CNTNAP2: variants seen among roughly 807,000 people sequenced by gnomAD.
CNTNAP2 encodes the protein contactin associated protein 2.
Under a neutral mutation model 155.2 loss-of-function variants are expected in CNTNAP2, and 98 were observed. The ratio of observed to expected loss-of-function variants is 0.63; its 90% CI spans 0.54 to 0.75. The LOEUF (loss-of-function observed/expected upper bound fraction) is 0.75, where lower values mean the gene tolerates loss of function less well. Among genes scored for constraint, CNTNAP2 ranks in the 30% least tolerant of loss-of-function variants. The pLI, the probability that CNTNAP2 is intolerant of heterozygous loss-of-function variation, is 0.00. For missense variants in CNTNAP2, 1,727 were observed against 1,688.1 expected (o/e 1.02, Z -0.40); for synonymous variants, 651 against 631.2 (o/e 1.03, Z -0.47).
At chr7:147,450,108 G>C (rs1423668947) in intron 10 of CNTNAP2, among the ~76,000 whole-genome samples, 1 of 152,140 alleles carries the variant, frequency 6.6e-6, no homozygotes, top group Non-Finnish European at 1.5e-5. Context: ...TGGCACAACT[G>C]ACTTTCAGAT....
At chr7:146,585,402 G>A (rs1186422549) in intron 1 of CNTNAP2, among the ~76,000 whole-genome samples, 1 of 152,096 alleles carries the variant, frequency 6.6e-6, no homozygotes, top group Non-Finnish European at 1.5e-5. Flanking sequence ...TTACAGGTGT[G>A]AGCTACCGCA....
rs1035768015 is a variant in CNTNAP2 at position 148,393,162 on chromosome 7, A to T, written c.3715+9274A>T. On this transcript the variant is annotated intron_variant, in intron 22 of 23. Transcript: ENST00000361727. Reference sequence around the variant, plus strand: ...TTTTCTACCTAACTACAAGCTGATCATTGGTTTTCTTTACCACCTGCAAGC... The same window carrying T: ...TTTTCTACCTAACTACAAGCTGATCTTTGGTTTTCTTTACCACCTGCAAGC... Among the ~76,000 whole-genome samples, 3 of 152,032 alleles carry T rather than the reference A, an allele frequency of 2.0e-5. No individual in the cohort carries two copies. In the East Asian group the frequency reaches 5.8e-4, roughly 29 times the overall value.
At chr7:146,711,300 T>C (rs1801067039) in intron 1 of CNTNAP2, among the ~76,000 whole-genome samples, 1 of 146,374 alleles carries the variant, frequency 6.8e-6, no homozygotes, top group Non-Finnish European at 1.5e-5. Flanking sequence ...AACATACATA[T>C]ATGTATATAT....
At chr7:147,958,983 A>G in intron 14 of CNTNAP2, among the ~76,000 whole-genome samples, 1 of 152,182 alleles carries the variant, frequency 6.6e-6, no homozygotes, top group East Asian at 1.9e-4. Flanking sequence ...ACCACACTGA[A>G]CATAACTCTA....
intron 20 of CNTNAP2, among the ~76,000 whole-genome samples, chr7:148,246,105 A>T (rs977688793): frequency 1.3e-5 from 2 of 152,176 alleles, no homozygotes; most frequent in Non-Finnish European, 2.9e-5. Context: ...TCTTCCTGAT[A>T]CACCTTTCTG....
intron 14 of CNTNAP2, among the ~76,000 whole-genome samples, chr7:147,954,955 C>T (rs1398258718): frequency 2.6e-5 from 4 of 152,202 alleles, no homozygotes; most frequent in South Asian, 2.1e-4. Context: ...CAGTCTCCAA[C>T]GTTTCTGTAA....
chr7:146,146,481 A>G (rs1196525653), intron 1 of CNTNAP2, among the ~76,000 whole-genome samples: 1 of 152,138 alleles, frequency 6.6e-6, no homozygotes, highest in Non-Finnish European at 1.5e-5. Flanking sequence ...TTATTGATAT[A>G]CTTTATTCTT....
At chr7:148,326,660 A>T (rs1198914536) in intron 21 of CNTNAP2, among the ~76,000 whole-genome samples, 1 of 152,012 alleles carries the variant, frequency 6.6e-6, no homozygotes, top group East Asian at 1.9e-4. Context: ...AGGTCAGGAG[A>T]TCGAGACCAT....
chr7:148,187,136 ACACACACACAC>A (rs1562988461), intron 18 of CNTNAP2, among the ~76,000 whole-genome samples: 64 of 151,414 alleles, frequency 4.2e-4, no homozygotes, highest in African/African-American at 1.1e-3. Flanking sequence ...ACACACACAC[ACACACACACAC>A]AAACAGAGCC....
intron 12 of CNTNAP2, among the ~76,000 whole-genome samples, chr7:147,566,218 C>A (rs1044403062): frequency 6.7e-6 from 1 of 149,910 alleles, no homozygotes; most frequent in Non-Finnish European, 1.5e-5. Context: ...ATCACTTGAG[C>A]CTGGGATGTC....
intron 1 of CNTNAP2, among the ~76,000 whole-genome samples, chr7:146,169,159 G>A (rs569346596): frequency 1.3e-5 from 2 of 152,190 alleles, no homozygotes; most frequent in East Asian, 1.9e-4. Flanking sequence ...ATCCAACCAA[G>A]CACTTTTCTC....
intron 9 of CNTNAP2, among the ~76,000 whole-genome samples, chr7:147,336,173 TG>T (rs1795661138): frequency 6.6e-6 from 1 of 152,176 alleles, no homozygotes; most frequent in Non-Finnish European, 1.5e-5. Context: ...TGCTAGCTCT[TG>T]AATACTAGGT....
chr7:147,081,915 T>C (rs1464707757), intron 4 of CNTNAP2: 1 of 152,086 alleles, frequency 6.6e-6, no homozygotes, highest in Admixed American at 6.6e-5. Flanking sequence ...ATGAGACGAT[T>C]TGTATGCTGG....
intron 15 of CNTNAP2, among the ~76,000 whole-genome samples, chr7:148,009,346 T>A (rs1802032638): frequency 6.6e-6 from 1 of 152,224 alleles, no homozygotes. Flanking sequence ...CAGCGTCTAC[T>A]GAATGCATAT....
At chr7:147,995,166 G>T (rs760377870) in intron 15 of CNTNAP2, among the ~76,000 whole-genome samples, 4 of 152,146 alleles carry the variant, frequency 2.6e-5, no homozygotes, top group Non-Finnish European at 5.9e-5. Flanking sequence ...CACAAAGGCA[G>T]CCCCTACCAG....
At chr7:147,029,319 C>T (rs1160363916) in intron 3 of CNTNAP2, among the ~76,000 whole-genome samples, 2 of 151,336 alleles carry the variant, frequency 1.3e-5, no homozygotes, top group Non-Finnish European at 3.0e-5. Flanking sequence ...GGGAGATATT[C>T]AAGAAGAATT....
At chr7:148,356,108 C>G (rs1798507661) in intron 21 of CNTNAP2, among the ~76,000 whole-genome samples, 1 of 151,784 alleles carries the variant, frequency 6.6e-6, no homozygotes. Context: ...TATTGGTATT[C>G]ACAACTTTTA....
intron 14 of CNTNAP2, among the ~76,000 whole-genome samples, chr7:147,965,521 T>G (rs973035011): frequency 1.3e-5 from 2 of 151,858 alleles, no homozygotes; most frequent in Non-Finnish European, 2.9e-5. Flanking sequence ...CCACCGATGA[T>G]CTCCATATTG....
At chr7:146,845,621 T>C (rs557898671) in intron 3 of CNTNAP2, among the ~76,000 whole-genome samples, 2 of 152,318 alleles carry the variant, frequency 1.3e-5, no homozygotes, top group East Asian at 3.9e-4. Context: ...CCCTCTATGT[T>C]TTTCAGATTC....
Sources: allele counts gnomAD v4.1 joint callset (sites outside exome capture counted in the v4.1 genomes callset), GRCh38; gene constraint gnomAD v4.1.1; transcripts MANE v1.5; gene names NCBI Gene and HGNC (gene_info 2026-07-23, HGNC 2026-07-21).